Variants in GAS6 observed in about 807,000 individuals in gnomAD.
The protein encoded by GAS6 is growth arrest-specific protein 6.
Under a neutral mutation model 75.8 loss-of-function variants are expected in GAS6, and 41 were observed. The ratio of observed to expected loss-of-function variants is 0.54; its 90% CI spans 0.42 to 0.70. The LOEUF (loss-of-function observed/expected upper bound fraction) is 0.70, where lower values mean the gene tolerates loss of function less well. GAS6 is among the 30% of genes least tolerant of loss of function. The pLI is 0.00. For missense variants in GAS6, 854 were observed against 940.2 expected (o/e 0.91, Z 1.20); for synonymous variants, 432 against 412.6 (o/e 1.05, Z -0.57).
At chr13:113,835,672 C>A in intron 6 of GAS6, 37 bp from the exon 7 acceptor site, 1 of 1,604,594 alleles carries the variant, frequency 6.2e-7, no homozygotes. Flanking sequence ...CGCAGCACAG[C>A]GGCATCTCAG....
chr13:113,830,795 C>T (rs1158531607), intron 10 of GAS6, among the ~76,000 whole-genome samples: 2 of 145,082 alleles, frequency 1.4e-5, no homozygotes, highest in Non-Finnish European at 3.0e-5. Context: ...CCCATGGCTC[C>T]ATCCCCTGCA....
chr13:113,828,595 G>A lies in GAS6; in HGVS notation c.1260C>T (p.Asn420=), dbSNP rs754859745. ...GGAAGGGAATACCTCCCACGGTCAG[G>A]TTCAGATGATACAGTCCTCGCTCCG... ...FQPERGLYHL[N]LTVGGIPFHE... The change falls in exon 11 of 15, where the codon AAC becomes AAT. Residue 420 remains asparagine (N), a synonymous_variant. Coordinates refer to ENST00000327773, the MANE Select transcript of GAS6 (RefSeq NM_000820.4). 3.0e-5 allele frequency: 48 copies of A among 1,613,484 alleles called. 1 individual carries two copies. In the South Asian group the frequency reaches 4.4e-4, roughly 15 times the overall value.
At chr13:113,851,094 G>A (rs75912007) in intron 2 of GAS6, among the ~76,000 whole-genome samples, 159 of 151,432 alleles carry the variant, frequency 1.0e-3, no homozygotes, top group African/African-American at 3.7e-3. Context: ...TGGATGAGTG[G>A]GTGGATGAAA....
chr13:113,856,951 C>T (rs985393712), intron 2 of GAS6, among the ~76,000 whole-genome samples: 33 of 152,280 alleles, frequency 2.2e-4, no homozygotes, highest in African/African-American at 7.5e-4. Context: ...CCAGCCTGGC[C>T]GAACGTTTGG....
At chr13:113,835,457 C>T (rs2051689988) in intron 7 of GAS6, 56 bp downstream of exon 7, 7 of 1,591,528 alleles carry the variant, frequency 4.4e-6, no homozygotes, top group Non-Finnish European at 6.0e-6. Flanking sequence ...GTGACTGGCA[C>T]CCGTGTCTAG....
rs201378406 is a variant in GAS6 at position 113,863,707 on chromosome 13, G to C, written c.123C>G (p.Phe41Leu). 530 of 1,510,914 alleles carry C rather than the reference G, an allele frequency of 3.5e-4. 3 individuals are homozygous for C. The African/African-American group carries it at 7.1e-3, about 20-fold the overall frequency. The allele number at this position is 1,510,914 out of a possible 1,614,324, so 93.6% of individuals were successfully genotyped here. ...AGGCGCGGCGCTGCCTGGGCCGCAG[G>C]AACTGCGTGGCCTCGCGCGCCGGCA... ...ALLPAREATQ[F>L]LRPRQRRAFQ... The change falls in exon 2 of 15, where the codon TTC becomes TTG. Residue 41 changes from phenylalanine to leucine, a missense_variant. Coordinates refer to ENST00000327773, the MANE Select transcript of GAS6 (RefSeq NM_000820.4). This position sits in a 1 kb window ranked among gnomAD's most constrained non-coding sequence, Gnocchi z 9.4.
chr13:113,835,021 G>A (rs1357233783), intron 7 of GAS6, among the ~76,000 whole-genome samples: 1 of 152,234 alleles, frequency 6.6e-6, no homozygotes, highest in Non-Finnish European at 1.5e-5. Flanking sequence ...AGCACAGAGG[G>A]GCCGACAGCT....
chr13:113,842,530 G>A (rs570423008), intron 4 of GAS6: 55 of 396,672 alleles, frequency 1.4e-4, no homozygotes, highest in Admixed American at 3.5e-4. Flanking sequence ...GTCTGGAGAC[G>A]TCGATGTGGT....
chr13:113,852,410 C>A (rs111827217), intron 2 of GAS6, among the ~76,000 whole-genome samples: 1 of 152,156 alleles, frequency 6.6e-6, no homozygotes, highest in African/African-American at 2.4e-5. Flanking sequence ...CGTTGCCCTT[C>A]GGTTTCGTAA....
At chr13:113,852,033 C>T (rs985700318) in intron 2 of GAS6, among the ~76,000 whole-genome samples, 2 of 152,234 alleles carry the variant, frequency 1.3e-5, no homozygotes, top group Non-Finnish European at 2.9e-5. Context: ...GCAACAGCCT[C>T]CTGGTCAGTG....
chr13:113,835,398 AG>A, intron 7 of GAS6, 114 bp downstream of exon 7: 6 of 1,239,574 alleles, frequency 4.8e-6, no homozygotes, highest in Non-Finnish European at 6.9e-6. Flanking sequence ...AGGGAGAAAG[AG>A]ACTTTCTTTC....
Position 113,843,137 on chromosome 13 carries a change from C to T in GAS6, c.344-3287G>A, listed in dbSNP as rs748350891. On this transcript the variant is annotated intron_variant, in intron 4 of 14. Coordinates refer to ENST00000327773, the MANE Select transcript of GAS6 (RefSeq NM_000820.4). ...GGAGACAGAAACCTCTGCAGGCCCC[C>T]GAGGGCACCCACTTCCCTGACCCCG... 22 of 315,310 alleles carry T rather than the reference C, an allele frequency of 7.0e-5. 1 individual carries two copies. The highest frequency in any genetic ancestry group is 1.8e-4 in the African/African-American group (8 of 44,888). 19.5% of individuals were successfully genotyped at this position (315,310 alleles called of 1,614,324 possible).
At chr13:113,860,062 T>C (rs920658777) in intron 2 of GAS6, among the ~76,000 whole-genome samples, 21 of 152,168 alleles carry the variant, frequency 1.4e-4, no homozygotes, top group African/African-American at 5.1e-4. Context: ...AGCCAGCAAG[T>C]TTGAAAACGG....
chr13:113,834,066 G>GCA (rs1320493779), intron 8 of GAS6, among the ~76,000 whole-genome samples: 6 of 143,380 alleles, frequency 4.2e-5, no homozygotes, highest in African/African-American at 1.6e-4. Context: ...GGTGTGACAG[G>GCA]TCGGTGTGAC....
intron 2 of GAS6, among the ~76,000 whole-genome samples, chr13:113,859,107 T>C (rs1324736997): frequency 6.7e-6 from 1 of 149,640 alleles, no homozygotes; most frequent in Non-Finnish European, 1.5e-5. Flanking sequence ...TGCATGTCTG[T>C]CAGTGTGTGG....
chr13:113,838,029 GGAGAGGA>G lies in GAS6; in HGVS notation c.589+33_589+39del, dbSNP rs780505817. On this transcript the variant is annotated intron_variant, in intron 6 of 14. Coordinates refer to ENST00000327773, the MANE Select transcript of GAS6 (RefSeq NM_000820.4). ...AGACATGACCGAAAATAGAAGGTGG[GGAGAGGA>G]GAGAGGAGAGAGGCCTCACCCCAGG... 8.7e-6 allele frequency: 14 copies of G among 1,607,342 alleles called. 1 individual carries two copies. The highest frequency in any genetic ancestry group is 6.7e-5 in the East Asian group (3 of 44,826).
rs111630172 is a variant in GAS6, at chr13:113,826,417, C to T, written c.1477+579G>A. Among the ~76,000 whole-genome samples the T allele has an allele frequency of 2.0e-3, 163 of 82,628 alleles. 4 individuals are homozygous for T. Among genetic ancestry groups the T allele is most frequent in the African/African-American group, 5.6e-3 (103 of 18,252 alleles). The allele number at this position is 82,628 out of a possible 152,430, so 54.2% of individuals were successfully genotyped here. On this transcript the variant is annotated intron_variant, in intron 12 of 14. Transcript: ENST00000327773. ...CAGGCACCTTCTCTCCCCGGCCTCCCGGCGCTGGCCTCGCAGGCACCTTCT... is the reference window on the plus strand; with the variant it reads ...CAGGCACCTTCTCTCCCCGGCCTCCTGGCGCTGGCCTCGCAGGCACCTTCT...
At chr13:113,860,119 G>A (rs2051958710) in intron 2 of GAS6, among the ~76,000 whole-genome samples, 1 of 152,250 alleles carries the variant, frequency 6.6e-6, no homozygotes, top group African/African-American at 2.4e-5. Context: ...CAGCAGTGGG[G>A]AGAAGAGAGA....
chr13:113,842,627 A>G lies in GAS6; in HGVS notation c.344-2777T>C, dbSNP rs1007692910. On this transcript the variant is annotated intron_variant, in intron 4 of 14. Transcript: ENST00000327773. ...TTCTCCACCCTGGCCTCAGATGAAG[A>G]GGCTCTGGGGGCAGGAGGGAGTCAG... 6.0e-5 allele frequency: 24 copies of G among 397,150 alleles called. 2 individuals are homozygous for G. The highest frequency in any genetic ancestry group is 8.8e-5 in the Non-Finnish European group (20 of 226,274). 24.6% of individuals were successfully genotyped at this position (397,150 alleles called of 1,614,324 possible). A position where few individuals can be genotyped will look rare whatever the true frequency, so the allele number is the denominator to read the frequency against.
Sources: allele counts gnomAD v4.1 joint callset (sites outside exome capture counted in the v4.1 genomes callset), GRCh38; gene constraint gnomAD v4.1.1; non-coding constraint Gnocchi (gnomAD v3.1); transcripts MANE v1.5; gene names NCBI Gene and HGNC (gene_info 2026-07-23, HGNC 2026-07-21).